Variants in HCRTR2 observed in about 807,000 individuals in gnomAD.
HCRTR2 encodes orexin receptor type 2.
Under a neutral mutation model 49.0 loss-of-function variants are expected in HCRTR2, and 22 were observed. The ratio of observed to expected loss-of-function variants is 0.45; its 90% CI spans 0.32 to 0.64. HCRTR2 has a LOEUF of 0.64. Among genes scored for constraint, HCRTR2 ranks in the 30% least tolerant of loss-of-function variants. HCRTR2 has a pLI of 0.04. For synonymous variants in HCRTR2, 236 were observed against 205.3 expected (o/e 1.15, Z -1.28); for missense variants, 491 against 559.4 (o/e 0.88, Z 1.23).
chr6:55,137,440 C>A (rs1169882606), intron 1 of HCRTR2, among the ~76,000 whole-genome samples: 1 of 152,096 alleles, frequency 6.6e-6, no homozygotes, highest in Non-Finnish European at 1.5e-5. Flanking sequence ...TAAATATATT[C>A]CTTTTTTGCT....
chr6:55,168,587 A>C (rs1377269494), intron 1 of HCRTR2, among the ~76,000 whole-genome samples: 3 of 151,962 alleles, frequency 2.0e-5, no homozygotes, highest in Admixed American at 2.0e-4. Flanking sequence ...TTTTTTTGAG[A>C]CAGTGTCTCA....
chr6:55,203,848 T>C (rs571478638), intron 1 of HCRTR2, among the ~76,000 whole-genome samples: 1 of 152,042 alleles, frequency 6.6e-6, no homozygotes, highest in East Asian at 1.9e-4. Flanking sequence ...TGGTAAGAAA[T>C]TGTAAGTCAT....
At chr6:55,147,751 T>A (rs1196127945) in intron 1 of HCRTR2, among the ~76,000 whole-genome samples, 1 of 152,218 alleles carries the variant, frequency 6.6e-6, no homozygotes, top group African/African-American at 2.4e-5. Flanking sequence ...TATAGTTACT[T>A]GCAATAAGAA....
chr6:55,130,453 C>T (rs1171598013), intron 1 of HCRTR2, among the ~76,000 whole-genome samples: 3 of 151,002 alleles, frequency 2.0e-5, no homozygotes, highest in East Asian at 3.9e-4. Context: ...TAAATTTCAT[C>T]TCCAATATAT....
Position 55,248,542 on chromosome 6 carries a change from A to G in HCRTR2, c.224-97A>G. The G allele has an allele frequency of 1.3e-5, 13 of 1,005,618 alleles. No individual in the cohort carries two copies. In the South Asian group the frequency reaches 1.6e-4, roughly 12 times the overall value. 62.3% of individuals were successfully genotyped at this position (1,005,618 alleles called of 1,614,324 possible). On this transcript the variant is annotated intron_variant, in intron 1 of 6. Transcript: ENST00000370862. ...AGCCTTCAATTATTTTTCTTTTTAA[A>G]TACATATTTGTGGACTTTATAGAAA...
At chr6:55,242,155 C>G (rs1466347720) in intron 1 of HCRTR2, among the ~76,000 whole-genome samples, 1 of 152,056 alleles carries the variant, frequency 6.6e-6, no homozygotes, top group Non-Finnish European at 1.5e-5. Context: ...CAGGCATGAG[C>G]CACCACTCCC....
At chr6:55,223,338 T>C (rs1203762163) in intron 1 of HCRTR2, among the ~76,000 whole-genome samples, 1 of 152,214 alleles carries the variant, frequency 6.6e-6, no homozygotes, top group Non-Finnish European at 1.5e-5. Context: ...TTACCTTTCA[T>C]AAGTTGATTC....
chr6:55,121,754 G>A (rs1433739682), intron 1 of HCRTR2, among the ~76,000 whole-genome samples: 1 of 152,218 alleles, frequency 6.6e-6, no homozygotes, highest in Non-Finnish European at 1.5e-5. Context: ...TTTATATGCT[G>A]GATTATGTTT....
At chr6:55,255,520 C>T in intron 3 of HCRTR2, 141 bp downstream of exon 3, 2 of 927,362 alleles carry the variant, frequency 2.2e-6, no homozygotes, top group Non-Finnish European at 3.4e-6. Context: ...TGAAAACCAA[C>T]TTGAATTTCA....
intron 2 of HCRTR2, among the ~76,000 whole-genome samples, chr6:55,252,012 AC>A (rs1766560077): frequency 6.6e-6 from 1 of 152,060 alleles, no homozygotes; most frequent in Admixed American, 6.6e-5. Flanking sequence ...CAACAACAAA[AC>A]TTTCACTTAT....
chr6:55,241,283 C>G (rs1437247542), intron 1 of HCRTR2, among the ~76,000 whole-genome samples: 1 of 152,042 alleles, frequency 6.6e-6, no homozygotes, highest in Non-Finnish European at 1.5e-5. Flanking sequence ...ACATTATTTT[C>G]TATCTAGAAA....
chr6:55,126,177 CT>C (rs1197638460), intron 1 of HCRTR2, among the ~76,000 whole-genome samples: 1 of 152,098 alleles, frequency 6.6e-6, no homozygotes, highest in African/African-American at 2.4e-5. Context: ...GAGATGTGAT[CT>C]TTTGGAGGAG....
intron 2 of HCRTR2, among the ~76,000 whole-genome samples, chr6:55,253,358 T>C (rs1766589958): frequency 6.6e-6 from 1 of 152,120 alleles, no homozygotes; most frequent in Non-Finnish European, 1.5e-5. Flanking sequence ...TTGCACTGGA[T>C]CTTAGATCTC....
rs571797327 is a variant in HCRTR2, at chr6:55,247,008, G to A, written c.224-1631G>A. 5.9e-4 allele frequency among the ~76,000 whole-genome samples: 90 copies of A among 151,982 alleles called. 1 individual carries two copies. Among genetic ancestry groups the A allele is most frequent in the African/African-American group, 2.0e-3 (82 of 41,472 alleles). The stretch of plus-strand genomic sequence containing the variant: ...ATTGCATGTTTTCTAAGAGTCCTGC[G>A]CATTTTCCTAGATCCAATATTGTAC... On this transcript the variant is annotated intron_variant, in intron 1 of 6. Coordinates refer to ENST00000370862, the MANE Select transcript of HCRTR2 (RefSeq NM_001384272.1).
At chr6:55,222,744 G>A (rs1765922692) in intron 1 of HCRTR2, among the ~76,000 whole-genome samples, 1 of 152,180 alleles carries the variant, frequency 6.6e-6, no homozygotes. Context: ...AGTCATAGAA[G>A]CAGGAAGCAG....
At chr6:55,201,013 T>C (rs1765504045) in intron 1 of HCRTR2, among the ~76,000 whole-genome samples, 1 of 152,114 alleles carries the variant, frequency 6.6e-6, no homozygotes, top group Non-Finnish European at 1.5e-5. Flanking sequence ...ATATCGCCTC[T>C]GCTTGCTACC....
upstream of HCRTR2, among the ~76,000 whole-genome samples, chr6:55,173,105 A>T (rs530393441): frequency 9.6e-4 from 146 of 152,334 alleles, no homozygotes; most frequent in Non-Finnish European, 1.8e-3. Flanking sequence ...GGGCATATAA[A>T]GGAGCGCTGG....
intron 1 of HCRTR2, among the ~76,000 whole-genome samples, chr6:55,136,749 A>C (rs1054752421): frequency 2.0e-5 from 3 of 152,174 alleles, no homozygotes; most frequent in African/African-American, 7.2e-5. Flanking sequence ...TAGGATAAGC[A>C]GTAACAGAGT....
At chr6:55,120,144 A>G (rs980268033) in intron 1 of HCRTR2, among the ~76,000 whole-genome samples, 1 of 152,146 alleles carries the variant, frequency 6.6e-6, no homozygotes, top group Non-Finnish European at 1.5e-5. Context: ...CTGTTTTGGT[A>G]CCAGTACCAT....
Sources: gnomAD v4.1 joint callset for allele counts (sites outside exome capture counted in the v4.1 genomes callset) on GRCh38, gnomAD v4.1.1 for gene constraint, MANE v1.5 for transcripts, NCBI Gene and HGNC (gene_info 2026-07-23, HGNC 2026-07-21) for gene names.